The following ERCC1 variants were observed in gnomAD, a reference collection of about 807,000 sequenced individuals.
The protein encoded by ERCC1 is ERCC excision repair 1, endonuclease non-catalytic subunit, also known as DNA excision repair protein ERCC-1.
In ERCC1, 36 loss-of-function variants were observed where a neutral mutation model predicts 37.6. The ratio of observed to expected loss-of-function variants is 0.96; its 90% CI spans 0.73 to 1.26. ERCC1 has a LOEUF of 1.26. Ranked by LOEUF, ERCC1 falls within the 50% of genes most tolerant of loss-of-function variation. The pLI is 0.00. For synonymous variants in ERCC1, 156 were observed against 162.1 expected (o/e 0.96, Z 0.28); for missense variants, 349 against 376.5 (o/e 0.93, Z 0.60).
At chr19:45,444,751 T>G (rs1966892678) in intron 1 of ERCC1, among the ~76,000 whole-genome samples, 1 of 152,106 alleles carries the variant, frequency 6.6e-6, no homozygotes, top group South Asian at 2.1e-4. Context: ...ACAGAAATAA[T>G]GCAGTTACAC....
intron 6 of ERCC1, 113 bp from the exon 7 acceptor site, chr19:45,415,073 C>A: frequency 2.8e-6 from 2 of 709,354 alleles, no homozygotes; most frequent in Non-Finnish European, 4.9e-6. Context: ...GTGGCTCACG[C>A]CTGTAATCCC....
rs1364308247 is a variant in ERCC1, at chr19:45,409,111, A to G, written c.*564T>C. ...AGCCTCAGGCCCAGGCAGCTCTGGC[A>G]GCTCCCAAAAAGAAGACGAAGAAAG... On this transcript the variant is annotated 3_prime_UTR_variant, in exon 10 of 10. Transcript: ENST00000300853. The G allele has an allele frequency of 4.3e-6, 7 of 1,613,094 alleles. No individual in the cohort carries two copies. The highest frequency in any genetic ancestry group is 5.9e-6 in the Non-Finnish European group (7 of 1,179,380).
At chr19:45,413,790 C>T (rs1357954879) in intron 8 of ERCC1, 45 bp from the exon 9 acceptor site, 1 of 1,610,872 alleles carries the variant, frequency 6.2e-7, no homozygotes, top group Admixed American at 1.7e-5. Context: ...GCACAAAAGC[C>T]TCCCCTGTCC....
upstream of ERCC1, chr19:45,424,131 G>A (rs1290749143): frequency 2.2e-5 from 20 of 915,898 alleles, no homozygotes; most frequent in Non-Finnish European, 2.1e-5. Flanking sequence ...GATCGCAGGA[G>A]ATCCAACTTG....
In ERCC1 at chr19:45,421,373, A is replaced by G. The variant is rs745401905; in HGVS notation, c.126T>C (p.Ser42=). The G allele has an allele frequency of 1.2e-6, 2 of 1,611,946 alleles. No individual in the cohort carries two copies. Among genetic ancestry groups the G allele is most frequent in the East Asian group, 2.2e-5 (1 of 44,808 alleles). The change falls in exon 3 of 10, where the codon TCT becomes TCC. Residue 42 remains serine, a synonymous_variant. Transcript: ENST00000300853. ...PPGVAKPLFR[S]TQSLPTVDTS... is the part of the protein sequence containing the mutation. Reference sequence around the variant, plus strand: ...TGTCCACAGTGGGAAGGCTCTGTGTAGATCGGAATAAGGGCTTGGCCTGTG... The same window carrying G: ...TGTCCACAGTGGGAAGGCTCTGTGTGGATCGGAATAAGGGCTTGGCCTGTG...
At position 45,438,820 on chromosome 19, in the gene ERCC1, T is replaced by C. The variant is rs771338674; in HGVS notation, c.-7-15439A>G. Among the ~76,000 whole-genome samples, 9 of 152,048 alleles carry C rather than the reference T, an allele frequency of 5.9e-5. No individual in the cohort carries two copies. In the East Asian group the frequency reaches 7.8e-4, roughly 13 times the overall value. On this transcript the variant is annotated intron_variant, in intron 1 of 8. Transcript: ENST00000423698. Reference sequence around the variant, plus strand: ...CCACGCCCGGCTAATTTTGTATTTTTAGTAGAGACGGGGTTTCTCCGTGTT... The same window carrying C: ...CCACGCCCGGCTAATTTTGTATTTTCAGTAGAGACGGGGTTTCTCCGTGTT...
Position 45,407,461 on chromosome 19 carries a change from G to C in ERCC1, c.*2214C>G. 1.9e-6 allele frequency: 1 copy of C among 518,536 alleles called. No homozygotes were observed. Among genetic ancestry groups the C allele is most frequent in the South Asian group, 2.6e-5 (1 of 38,342 alleles). The allele number at this position is 518,536 out of a possible 1,614,324, so 32.1% of individuals were successfully genotyped here. On this transcript the variant is annotated 3_prime_UTR_variant, in exon 10 of 10. Transcript: ENST00000300853. ...TTATAAGAAACTATAAGGAACTATA[G>C]TTAAACTTGGAGTGTGCAGATAAGC...
chr19:45,427,798 G>C (rs1244861384), upstream of ERCC1, among the ~76,000 whole-genome samples: 3 of 152,170 alleles, frequency 2.0e-5, no homozygotes, highest in African/African-American at 7.2e-5. Context: ...ACCACAAGAG[G>C]ATTGGAAGTG....
rs535554650 is a variant in ERCC1 at position 45,412,733 on chromosome 19, T to C, written c.843+944A>G. ...ATGTTTGCTGTGCAGAAGCCTTTTA[T>C]TCTTTTTTTTTTTTTTAATTTTTGA... On this transcript the variant is annotated intron_variant, in intron 9 of 9. Coordinates refer to ENST00000300853, the MANE Select transcript of ERCC1 (RefSeq NM_001983.4). Among the ~76,000 whole-genome samples, 4 of 151,708 alleles carry C rather than the reference T, an allele frequency of 2.6e-5. No individual in the cohort carries two copies. In the East Asian group the frequency reaches 5.8e-4, roughly 22 times the overall value.
intron 9 of ERCC1, among the ~76,000 whole-genome samples, chr19:45,412,113 C>T (rs148513507): frequency 6.6e-6 from 1 of 151,990 alleles, no homozygotes; most frequent in Admixed American, 6.6e-5. Context: ...CCCGCCTCGG[C>T]CTCCCAAAGT....
chr19:45,441,398 CG>C (rs1025716124), intron 1 of ERCC1, among the ~76,000 whole-genome samples: 2 of 152,014 alleles, frequency 1.3e-5, no homozygotes, highest in South Asian at 2.1e-4. Context: ...GGGTGGATGG[CG>C]GGGGGGTCAT....
At position 45,439,673 on chromosome 19, in the gene ERCC1, C is replaced by T. The variant is rs970524448; in HGVS notation, c.-7-16292G>A. 4.1e-4 allele frequency among the ~76,000 whole-genome samples: 63 copies of T among 152,040 alleles called. 1 individual carries two copies. The highest frequency in any genetic ancestry group is 1.4e-3 in the African/African-American group (58 of 41,486). On this transcript the variant is annotated intron_variant, in intron 1 of 8. Coordinates refer to the ERCC1 transcript ENST00000423698. ...CCAAAACTCCGCCGTCGGCTCTGAA[C>T]CCCGGCGGACGCGTCCCGACGCCCC...
At chr19:45,425,149 G>T (rs1025712875), upstream of ERCC1, among the ~76,000 whole-genome samples, 3 of 142,978 alleles carry the variant, frequency 2.1e-5, no homozygotes, top group Non-Finnish European at 4.5e-5. Flanking sequence ...TGGCCAGGCT[G>T]GTCTCAAACT....
intron 2 of ERCC1, 119 bp from the exon 3 acceptor site, chr19:45,421,512 C>T (rs1387304955): frequency 1.4e-6 from 1 of 703,760 alleles, no homozygotes; most frequent in Non-Finnish European, 2.3e-6. Context: ...CTCTGTCACC[C>T]AGACTGGAGT....
chr19:45,409,201 C>G lies in ERCC1; in HGVS notation c.*474G>C. On this transcript the variant is annotated 3_prime_UTR_variant, in exon 10 of 10. Transcript: ENST00000300853. ...TGGTGGGGCCTGAGCTGCCGGATGACCTTGAGCCTCAGGCAGCTCCCACAT... is the reference window on the plus strand; with the variant it reads ...TGGTGGGGCCTGAGCTGCCGGATGAGCTTGAGCCTCAGGCAGCTCCCACAT... 6.2e-7 allele frequency: 1 copy of G among 1,613,338 alleles called. No homozygotes were observed. The highest frequency in any genetic ancestry group is 8.5e-7 in the Non-Finnish European group (1 of 1,179,620).
intron 7 of ERCC1, 138 bp downstream of exon 7, chr19:45,414,723 G>T: frequency 1.5e-6 from 1 of 680,282 alleles, no homozygotes; most frequent in East Asian, 2.7e-5. Flanking sequence ...AACCCCTCTA[G>T]CTGCAGTTTC....
rs2123435955 is a variant in ERCC1 at position 45,409,462 on chromosome 19, G to A, written c.*213C>T. Reference sequence around the variant, plus strand: ...CTGGGGAGGAGGCTCCCACAGGCCGGGACAAGAAGCGGAAGCAGCAGCAGC... The same window carrying A: ...CTGGGGAGGAGGCTCCCACAGGCCGAGACAAGAAGCGGAAGCAGCAGCAGC... On this transcript the variant is annotated 3_prime_UTR_variant, in exon 10 of 10. Transcript: ENST00000300853. The A allele has an allele frequency of 6.2e-7, 1 of 1,612,532 alleles. No homozygotes were observed. The highest frequency in any genetic ancestry group is 8.5e-7 in the Non-Finnish European group (1 of 1,179,764).
chr19:45,437,463 A>G (rs969259877), intron 1 of ERCC1, among the ~76,000 whole-genome samples: 1 of 152,194 alleles, frequency 6.6e-6, no homozygotes, highest in Non-Finnish European at 1.5e-5. Context: ...GTGTCCATCA[A>G]GGGACATAAT....
intron 6 of ERCC1, 47 bp downstream of exon 6, chr19:45,416,774 C>A: frequency 1.4e-6 from 2 of 1,471,104 alleles, no homozygotes; most frequent in South Asian, 1.1e-5. Flanking sequence ...GGAGCAGGGA[C>A]CAATCCCAGG....
Sources: allele counts gnomAD v4.1 joint callset (sites outside exome capture counted in the v4.1 genomes callset), GRCh38; gene constraint gnomAD v4.1.1; transcripts MANE v1.5; gene names NCBI Gene and HGNC (gene_info 2026-07-23, HGNC 2026-07-21).